FRMD4A: variants seen among roughly 807,000 people sequenced by gnomAD.
The protein encoded by FRMD4A is FERM domain-containing protein 4A.
In FRMD4A, 29 loss-of-function variants were observed where a neutral mutation model predicts 129.1. That is an observed-to-expected ratio of 0.22 (90% CI 0.17 to 0.31). FRMD4A has a LOEUF of 0.31. Among genes scored for constraint, FRMD4A ranks in the 10% least tolerant of loss-of-function variants. The pLI is 1.00. For missense variants in FRMD4A, 1,272 were observed against 1,375.8 expected (o/e 0.92, Z 1.19); for synonymous variants, 634 against 571.6 (o/e 1.11, Z -1.56).
intron 2 of FRMD4A, among the ~76,000 whole-genome samples, chr10:13,993,056 C>T (rs1048113749): frequency 2.6e-5 from 4 of 151,936 alleles, no homozygotes; most frequent in African/African-American, 7.2e-5. Flanking sequence ...TCCTATGTCC[C>T]TACAAAACTT....
At chr10:13,980,262 C>G (rs998001686) in intron 2 of FRMD4A, among the ~76,000 whole-genome samples, 17 of 152,234 alleles carry the variant, frequency 1.1e-4, no homozygotes, top group Non-Finnish European at 2.4e-4. Context: ...AGCACTGTCT[C>G]TCCCCAGGGC....
chr10:14,199,221 A>G (rs1234093554), intron 2 of FRMD4A, among the ~76,000 whole-genome samples: 1 of 151,526 alleles, frequency 6.6e-6, no homozygotes, highest in African/African-American at 2.4e-5. Flanking sequence ...TTTAATGCTT[A>G]TTTGTAACTT....
intron 15 of FRMD4A, chr10:13,693,373 C>T (rs369106093): frequency 8.4e-5 from 29 of 346,646 alleles, no homozygotes; most frequent in Middle Eastern, 2.5e-3. Flanking sequence ...AAGCGGACGA[C>T]GGAACCAGAT....
intron 2 of FRMD4A, among the ~76,000 whole-genome samples, chr10:14,273,322 T>C (rs1007962076): frequency 1.3e-5 from 2 of 152,156 alleles, no homozygotes; most frequent in South Asian, 2.1e-4. Context: ...CTTAGAGAGC[T>C]TGGGTGATTT....
In FRMD4A at chr10:13,989,886, T is replaced by G. The variant is rs1056912313; in HGVS notation, c.46-130974A>C. On this transcript the variant is annotated intron_variant, in intron 2 of 24. Coordinates refer to ENST00000357447, the MANE Select transcript of FRMD4A (RefSeq NM_018027.5). ...TGATTCATTGTTTATTGAAATTTGA[T>G]GTAACTGGGCATCCTGTATTTTCAT... Among the ~76,000 whole-genome samples, 10 of 152,232 alleles carry G rather than the reference T, an allele frequency of 6.6e-5. No homozygotes were observed. The East Asian group carries it at 1.2e-3, about 18-fold the overall frequency.
intron 15 of FRMD4A, among the ~76,000 whole-genome samples, chr10:13,691,431 C>T (rs1279344638): frequency 6.6e-6 from 1 of 152,136 alleles, no homozygotes; most frequent in East Asian, 1.9e-4. Context: ...GGGGCCCGTG[C>T]AGATGGACCA....
At chr10:14,243,859 C>T (rs1410772306) in intron 2 of FRMD4A, among the ~76,000 whole-genome samples, 2 of 151,718 alleles carry the variant, frequency 1.3e-5, no homozygotes, top group Non-Finnish European at 2.9e-5. Context: ...TAGTCAGCCC[C>T]AGGACTGCAA....
Position 14,056,736 on chromosome 10 carries a change from G to C in FRMD4A, c.46-197824C>G, listed in dbSNP as rs554118770. Among the ~76,000 whole-genome samples, 20 of 152,236 alleles carry C rather than the reference G, an allele frequency of 1.3e-4. No homozygotes were observed. The South Asian group carries it at 3.9e-3, about 30-fold the overall frequency. ...AGCCTATGGAGACCTCTCACCATCT[G>C]CCGCGGCTCTTTCATGTGCAAATAG... On this transcript the variant is annotated intron_variant, in intron 2 of 24. Coordinates refer to ENST00000357447, the MANE Select transcript of FRMD4A (RefSeq NM_018027.5).
chr10:13,925,300 A>C (rs986004806), intron 2 of FRMD4A, among the ~76,000 whole-genome samples: 1 of 152,114 alleles, frequency 6.6e-6, no homozygotes, highest in Non-Finnish European at 1.5e-5. Context: ...GGAGATATAC[A>C]TTAAACAAAG....
At chr10:14,325,213 A>G (rs1468266827) in intron 2 of FRMD4A, among the ~76,000 whole-genome samples, 1 of 152,258 alleles carries the variant, frequency 6.6e-6, no homozygotes, top group African/African-American at 2.4e-5. Context: ...CGGAAAAGCC[A>G]TAGGCTTATT....
At chr10:13,868,261 C>A (rs2094398999) in intron 2 of FRMD4A, among the ~76,000 whole-genome samples, 1 of 151,710 alleles carries the variant, frequency 6.6e-6, no homozygotes, top group South Asian at 2.1e-4. Context: ...TTTTATATAA[C>A]CATTTTTATT....
intron 2 of FRMD4A, among the ~76,000 whole-genome samples, chr10:14,034,712 G>A (rs1405468175): frequency 1.3e-5 from 2 of 152,188 alleles, no homozygotes; most frequent in African/African-American, 2.4e-5. Flanking sequence ...TTAGCTCAAA[G>A]AGAGACGGAT....
At chr10:13,912,377 A>T (rs1427721739) in intron 2 of FRMD4A, among the ~76,000 whole-genome samples, 1 of 152,192 alleles carries the variant, frequency 6.6e-6, no homozygotes, top group African/African-American at 2.4e-5. Context: ...TATATAACCA[A>T]GAGAAATGGA....
rs372420987 is a variant in FRMD4A, at chr10:14,110,125, T to TTAAAAAAAAAAAAAAAAAAAAAA, written c.45+219932_45+219933insTTTTTTTTTTTTTTTTTTTTTTA. ...GGCTGGGCAACAAAGCGAGATGCTG[T>TTAAAAAAAAAAAAAAAAAAAAAA]AAAAAAAAAAAAAAAAAAAAAAGCT... On this transcript the variant is annotated intron_variant, in intron 2 of 24. Transcript: ENST00000357447. 3.2e-4 allele frequency among the ~76,000 whole-genome samples: 29 copies of TTAAAAAAAAAAAAAAAAAAAAAA among 89,520 alleles called. 6 individuals are homozygous for TTAAAAAAAAAAAAAAAAAAAAAA. Among genetic ancestry groups the TTAAAAAAAAAAAAAAAAAAAAAA allele is most frequent in the African/African-American group, 1.1e-3 (24 of 21,496 alleles). 58.7% of individuals were successfully genotyped at this position (89,520 alleles called of 152,430 possible).
At chr10:14,191,665 C>G (rs1446905612) in intron 2 of FRMD4A, among the ~76,000 whole-genome samples, 1 of 152,226 alleles carries the variant, frequency 6.6e-6, no homozygotes, top group African/African-American at 2.4e-5. Context: ...CAGTCTTTAA[C>G]TATAGGGCCG....
At chr10:14,030,769 C>T (rs1438268362) in intron 2 of FRMD4A, among the ~76,000 whole-genome samples, 1 of 152,204 alleles carries the variant, frequency 6.6e-6, no homozygotes, top group Non-Finnish European at 1.5e-5. Flanking sequence ...AGCATCTGCC[C>T]TTATTCTTCC....
At chr10:14,250,041 C>A (rs1844381153) in intron 2 of FRMD4A, among the ~76,000 whole-genome samples, 2 of 150,658 alleles carry the variant, frequency 1.3e-5, no homozygotes, top group African/African-American at 4.9e-5. Context: ...CTCACTGCAA[C>A]CTCCACCTCC....
At chr10:14,175,522 C>CT (rs374088064) in intron 2 of FRMD4A, among the ~76,000 whole-genome samples, 69,288 of 122,812 alleles carry the variant, frequency 0.56, 21,307 homozygotes, top group Non-Finnish European at 0.69. Flanking sequence ...AGTTTGCTTC[C>CT]TTTTTTTTTT....
chr10:13,773,135 A>T (rs1235872249), intron 6 of FRMD4A, among the ~76,000 whole-genome samples: 1 of 152,206 alleles, frequency 6.6e-6, no homozygotes, highest in Non-Finnish European at 1.5e-5. Flanking sequence ...CATGGTAAGT[A>T]TGTCACCAAT....
Sources: allele counts gnomAD v4.1 joint callset (sites outside exome capture counted in the v4.1 genomes callset), GRCh38; gene constraint gnomAD v4.1.1; transcripts MANE v1.5; gene names NCBI Gene and HGNC (gene_info 2026-07-23, HGNC 2026-07-21).